BPTF: variants seen among roughly 807,000 people sequenced by gnomAD.
BPTF encodes bromodomain PHD finger transcription factor.
In BPTF, 18 loss-of-function variants were observed where a neutral mutation model predicts 292.5. That is an observed-to-expected ratio of 0.06 (90% CI 0.04 to 0.09). BPTF has a LOEUF of 0.09. Ranked by LOEUF, BPTF falls within the 10% of genes least tolerant of loss-of-function variation. The pLI, the probability that BPTF is intolerant of heterozygous loss-of-function variation, is 1.00. For missense variants in BPTF, 2,726 were observed against 3,498.7 expected (o/e 0.78, Z 5.57); for synonymous variants, 1,225 against 1,251.9 (o/e 0.98, Z 0.45).
At chr17:67,949,892 T>TA (rs1166904370) in intron 23 of BPTF, among the ~76,000 whole-genome samples, 15 of 150,208 alleles carry the variant, frequency 1.0e-4, no homozygotes, top group African/African-American at 3.4e-4. Flanking sequence ...CCGTCTCTAC[T>TA]AAAAACAAAA....
At chr17:67,913,616 A>G (rs1041112428) in intron 11 of BPTF, among the ~76,000 whole-genome samples, 1 of 152,202 alleles carries the variant, frequency 6.6e-6, no homozygotes, top group African/African-American at 2.4e-5. Flanking sequence ...AAAGCTTATC[A>G]TAATGTGAAA....
At chr17:67,981,607 T>TA in intron 27 of BPTF, 7 of 1,047,130 alleles carry the variant, frequency 6.7e-6, no homozygotes, top group Non-Finnish European at 8.1e-6. Flanking sequence ...AAATTTACTC[T>TA]AGCAGCCATG....
chr17:67,832,157 G>T lies in BPTF; in HGVS notation c.613+5820G>T, dbSNP rs1017188583. Among the ~76,000 whole-genome samples, 8 of 152,130 alleles carry T rather than the reference G, an allele frequency of 5.3e-5. No individual in the cohort carries two copies. In the East Asian group the frequency reaches 1.5e-3, roughly 29 times the overall value. On this transcript the variant is annotated intron_variant, in intron 1 of 27. Transcript: ENST00000306378. ...CCTGCCTCAGCCTCCCAAAGTGCTG[G>T]GATTACAGGGGTGAGCTGCCGTACC...
At chr17:67,867,184 T>C (rs1165839422) in intron 3 of BPTF, among the ~76,000 whole-genome samples, 1 of 152,236 alleles carries the variant, frequency 6.6e-6, no homozygotes, top group African/African-American at 2.4e-5. Flanking sequence ...AGGGATGCTA[T>C]ACATTTTAGT....
chr17:67,863,560 A>G (rs1291217651), intron 2 of BPTF, among the ~76,000 whole-genome samples: 2 of 152,234 alleles, frequency 1.3e-5, no homozygotes, highest in East Asian at 3.9e-4. Flanking sequence ...CTAGAATTAC[A>G]GGCGTGAGCC....
intron 1 of BPTF, among the ~76,000 whole-genome samples, chr17:67,837,313 T>A (rs758568290): frequency 8.5e-5 from 13 of 152,224 alleles, no homozygotes; most frequent in Non-Finnish European, 1.3e-4. Context: ...GGACTGGGAT[T>A]GGATTGTTGC....
chr17:67,841,960 A>G (rs1478764709), intron 1 of BPTF, among the ~76,000 whole-genome samples: 1 of 151,824 alleles, frequency 6.6e-6, no homozygotes, highest in Non-Finnish European at 1.5e-5. Context: ...TATCTGTGCT[A>G]TGTTTTTGCT....
In BPTF at chr17:67,846,622, C is replaced by G. The variant is rs1018577805; in HGVS notation, c.614-7318C>G. Among the ~76,000 whole-genome samples, 4 of 152,318 alleles carry G rather than the reference C, an allele frequency of 2.6e-5. No individual in the cohort carries two copies. The South Asian group carries it at 8.3e-4, about 32-fold the overall frequency. ...TTGTTATTTCTCAAATTCCCTTTCACTGAGAGGTCAAGTCAGGTGGTTTTT... is the reference window on the plus strand; with the variant it reads ...TTGTTATTTCTCAAATTCCCTTTCAGTGAGAGGTCAAGTCAGGTGGTTTTT... On this transcript the variant is annotated intron_variant, in intron 1 of 27. Transcript: ENST00000306378.
In BPTF at chr17:67,959,514, T is replaced by C. The variant is rs782401207; in HGVS notation, c.7927-27T>C. The C allele has an allele frequency of 2.0e-6, 3 of 1,487,990 alleles. No individual in the cohort carries two copies. In the Admixed American group the frequency reaches 7.2e-5, roughly 36 times the overall value. 92.2% of individuals were successfully genotyped at this position (1,487,990 alleles called of 1,614,324 possible). ...CACATTTACATGACTCTAATGATAG[T>C]CTTGTATTGTCTTTAATTGATAACA... is the stretch of plus-strand genomic sequence containing the variant. On this transcript the variant is annotated intron_variant, in intron 23 of 27. Coordinates refer to ENST00000306378, the MANE Select transcript of BPTF (RefSeq NM_182641.4).
At chr17:67,861,267 T>A (rs1375547081) in intron 2 of BPTF, among the ~76,000 whole-genome samples, 4 of 152,122 alleles carry the variant, frequency 2.6e-5, no homozygotes, top group African/African-American at 9.7e-5. Context: ...TACAAGCCAG[T>A]GTCATCTTCA....
intron 26 of BPTF, among the ~76,000 whole-genome samples, chr17:67,972,098 G>A (rs1277195385): frequency 2.0e-5 from 3 of 151,972 alleles, no homozygotes; most frequent in Admixed American, 6.6e-5. Context: ...CTGTTAATAG[G>A]CCAGTGTTAC....
chr17:67,957,669 A>G (rs2067086243), intron 23 of BPTF, among the ~76,000 whole-genome samples: 1 of 152,234 alleles, frequency 6.6e-6, no homozygotes, highest in African/African-American at 2.4e-5. Context: ...TTAGGAGTTC[A>G]GTTACCTGAA....
chr17:67,923,096 C>T, intron 14 of BPTF, 106 bp downstream of exon 14: 2 of 1,318,534 alleles, frequency 1.5e-6, no homozygotes, highest in Non-Finnish European at 1.0e-6. Context: ...TGCTCTGTCA[C>T]CCAGGCTGGA....
chr17:67,927,559 A>G (rs1400158895), intron 15 of BPTF, among the ~76,000 whole-genome samples: 1 of 152,176 alleles, frequency 6.6e-6, no homozygotes, highest in East Asian at 1.9e-4. Context: ...TTAACTATTG[A>G]CATGTTTTTA....
chr17:67,897,812 TATA>T, intron 7 of BPTF, among the ~76,000 whole-genome samples: 1 of 152,338 alleles, frequency 6.6e-6, no homozygotes, highest in East Asian at 1.9e-4. Flanking sequence ...AAGGAAATTT[TATA>T]ATTATTGTTT....
chr17:67,924,834 G>A (rs143388421), intron 15 of BPTF, among the ~76,000 whole-genome samples: 121 of 152,088 alleles, frequency 8.0e-4, no homozygotes, highest in African/African-American at 2.8e-3. Flanking sequence ...ACAGCTCACC[G>A]AGCCTCGACA....
At position 67,826,174 on chromosome 17, in the gene BPTF, C is replaced by T. The variant is rs781204245; in HGVS notation, c.450C>T (p.Gly150=). 8 of 1,590,824 alleles carry T rather than the reference C, an allele frequency of 5.0e-6. No individual in the cohort carries two copies. The highest frequency in any genetic ancestry group is 6.0e-6 in the Non-Finnish European group (7 of 1,159,216). Residue 150 remains glycine, a synonymous_variant, in exon 1 of 28, where the codon GGC becomes GGT. Transcript: ENST00000306378. ...MVSEEEEEED[G]DAEETQDSED... is the part of the protein sequence containing the mutation. ...CCGAGGAGGAGGAGGAGGAGGACGG[C>T]GACGCCGAGGAGACCCAGGATTCTG...
At chr17:67,884,484 C>T (rs190704040) in intron 4 of BPTF, among the ~76,000 whole-genome samples, 16 of 151,992 alleles carry the variant, frequency 1.1e-4, no homozygotes, top group East Asian at 1.9e-4. Context: ...GGCGCAATCA[C>T]GGCTCACTGC....
intron 24 of BPTF, chr17:67,960,100 T>C (rs547805282): frequency 1.1e-5 from 5 of 437,768 alleles, no homozygotes; most frequent in Non-Finnish European, 2.0e-5. Flanking sequence ...TTCTTTTCTG[T>C]CAAAAACAAG....
Sources: allele counts gnomAD v4.1 joint callset (sites outside exome capture counted in the v4.1 genomes callset), GRCh38; gene constraint gnomAD v4.1.1; transcripts MANE v1.5; gene names NCBI Gene and HGNC (gene_info 2026-07-23, HGNC 2026-07-21).